Variants in PAPOLA observed in about 807,000 individuals in gnomAD.
PAPOLA encodes the protein polynucleotide adenylyltransferase alpha.
PAPOLA carries 15 observed loss-of-function variants against 100.6 expected under a neutral mutation model. That is an observed-to-expected ratio of 0.15 (90% CI 0.10 to 0.23). The LOEUF is 0.23. Among genes scored for constraint, PAPOLA ranks in the 10% least tolerant of loss-of-function variants. PAPOLA has a pLI of 1.00. For synonymous variants in PAPOLA, 293 were observed against 300.0 expected, an observed-to-expected ratio of 0.98 and a Z score of 0.24; for missense variants, 533 against 884.2, an observed-to-expected ratio of 0.60 and a Z score of 5.04.
intron 16 of PAPOLA, among the ~76,000 whole-genome samples, chr14:96,549,391 G>C (rs1160679780): frequency 6.6e-6 from 1 of 151,858 alleles, no homozygotes; most frequent in East Asian, 1.9e-4. Flanking sequence ...TGGGACTACA[G>C]GTGCCCACCA....
At chr14:96,562,792 C>G (rs1174602991) in intron 20 of PAPOLA, 27 bp from the exon 21 acceptor site, 1 of 1,416,072 alleles carries the variant, frequency 7.1e-7, no homozygotes, top group Non-Finnish European at 9.9e-7. Context: ...TCTCTTTTCC[C>G]CCTTCCCCAT....
At chr14:96,509,410 A>G (rs562347704) in intron 1 of PAPOLA, among the ~76,000 whole-genome samples, 1 of 152,352 alleles carries the variant, frequency 6.6e-6, no homozygotes, top group South Asian at 2.1e-4. Flanking sequence ...TGTAAATCTC[A>G]AAGTATTTAC....
intron 19 of PAPOLA, among the ~76,000 whole-genome samples, chr14:96,558,477 T>C (rs1000530590): frequency 1.3e-5 from 2 of 152,186 alleles, no homozygotes; most frequent in Non-Finnish European, 2.9e-5. Context: ...TTTGTACTAG[T>C]GCAGTATTTT....
At chr14:96,548,893 T>C (rs1490812077) in intron 16 of PAPOLA, among the ~76,000 whole-genome samples, 3 of 152,190 alleles carry the variant, frequency 2.0e-5, no homozygotes, top group Non-Finnish European at 4.4e-5. Context: ...TACAAAAGCA[T>C]TGAAGTTAAT....
At chr14:96,554,503 T>C (rs1243115925) in intron 17 of PAPOLA, among the ~76,000 whole-genome samples, 1 of 152,212 alleles carries the variant, frequency 6.6e-6, no homozygotes, top group African/African-American at 2.4e-5. Context: ...GTGGATGTCA[T>C]GTAAGTACCA....
At chr14:96,532,090 T>C in intron 7 of PAPOLA, 10 of 1,300,990 alleles carry the variant, frequency 7.7e-6, no homozygotes, top group Non-Finnish European at 9.7e-6. Context: ...TACAGTTTAC[T>C]TTGGTTTCTT....
At position 96,554,644 on chromosome 14, in the gene PAPOLA, TAGAGAC is replaced by T. The variant is rs1483187266; in HGVS notation, c.1665-1197_1665-1192del. ...AGACACACACACACACAGACACAGA[TAGAGAC>T]AGAGAGAGAAACCAGAGGACTTTTC... is the stretch of plus-strand genomic sequence containing the variant. On this transcript the variant is annotated intron_variant, in intron 17 of 21. Transcript: ENST00000216277. Among the ~76,000 whole-genome samples the T allele has an allele frequency of 5.9e-5, 9 of 152,178 alleles. No individual in the cohort carries two copies. The East Asian group carries it at 1.7e-3, about 29-fold the overall frequency.
At chr14:96,514,976 A>G (rs1362522442) in intron 1 of PAPOLA, among the ~76,000 whole-genome samples, 2 of 139,730 alleles carry the variant, frequency 1.4e-5, no homozygotes, top group African/African-American at 5.7e-5. Flanking sequence ...GTCTGTCCTG[A>G]ATGCTGTTAC....
At chr14:96,564,291 T>C (rs1853309881) in intron 21 of PAPOLA, among the ~76,000 whole-genome samples, 1 of 152,076 alleles carries the variant, frequency 6.6e-6, no homozygotes, top group Non-Finnish European at 1.5e-5. Flanking sequence ...GATTTGATAA[T>C]TGATGAAGCT....
At chr14:96,557,491 CTTTCATGTTG>C (rs1053827099) in intron 19 of PAPOLA, among the ~76,000 whole-genome samples, 1 of 151,272 alleles carries the variant, frequency 6.6e-6, no homozygotes, top group African/African-American at 2.4e-5. Flanking sequence ...CCTCGAGTCA[CTTTCATGTTG>C]TTTTCCAATC....
At position 96,532,539 on chromosome 14, in the gene PAPOLA, T is replaced by G. The variant is rs1370833241; in HGVS notation, c.726T>G (p.Gly242=). The part of the protein sequence containing the change: ...KRHNIYSNIL[G]FLGGVSWAML... ...ACAACATCTATTCCAATATATTAGG[T>G]TTCCTCGGTGGTGTTTCCTGGGCTA... Residue 242 remains glycine, a synonymous_variant, in exon 9 of 22, where the codon GGT becomes GGG. Coordinates refer to ENST00000216277, the MANE Select transcript of PAPOLA (RefSeq NM_032632.5). 1 of 1,611,044 alleles carries G rather than the reference T, an allele frequency of 6.2e-7. No homozygotes were observed. Among genetic ancestry groups the G allele is most frequent in the Non-Finnish European group, 8.5e-7 (1 of 1,179,130 alleles).
rs771858134 is a variant in PAPOLA, at chr14:96,520,037, A to T, written c.9-18A>T. ...GTAGAATTCTTTTGGCAGTAATTGTATCCAATTTTGTTTATAGTCCAGTTA... is the reference window on the plus strand; with the variant it reads ...GTAGAATTCTTTTGGCAGTAATTGTTTCCAATTTTGTTTATAGTCCAGTTA... On this transcript the variant is annotated intron_variant, in intron 1 of 21. Transcript: ENST00000216277. 5.5e-5 allele frequency: 86 copies of T among 1,574,330 alleles called. No individual in the cohort carries two copies. The highest frequency in any genetic ancestry group is 7.2e-5 in the Non-Finnish European group (84 of 1,160,478).
rs1223680645 is a variant in PAPOLA, at chr14:96,552,689, T to G, written c.1664+67T>G. Reference sequence around the variant, plus strand: ...TAAATCAATCAGATACATTCTCTTTTTGCTATTAAAGTCATCTATTTAGAA... The same window carrying G: ...TAAATCAATCAGATACATTCTCTTTGTGCTATTAAAGTCATCTATTTAGAA... On this transcript the variant is annotated intron_variant, in intron 17 of 21. Transcript: ENST00000216277. 4.3e-6 allele frequency: 6 copies of G among 1,407,318 alleles called. No individual in the cohort carries two copies. The East Asian group carries it at 1.4e-4, about 33-fold the overall frequency. 87.2% of individuals were successfully genotyped at this position (1,407,318 alleles called of 1,614,324 possible).
intron 21 of PAPOLA, among the ~76,000 whole-genome samples, chr14:96,563,901 G>C (rs747830710): frequency 6.6e-6 from 1 of 151,738 alleles, no homozygotes; most frequent in Non-Finnish European, 1.5e-5. Flanking sequence ...ACATACTCTC[G>C]GGACTTATTT....
chr14:96,514,890 G>A (rs991572671), intron 1 of PAPOLA, among the ~76,000 whole-genome samples: 8 of 152,276 alleles, frequency 5.3e-5, no homozygotes, highest in South Asian at 4.1e-4. Flanking sequence ...GTAATACGAC[G>A]AGTAGCAGAA....
chr14:96,552,556 T>C lies in PAPOLA; in HGVS notation c.1598T>C (p.Met533Thr), dbSNP rs747823010. 1.2e-6 allele frequency: 2 copies of C among 1,613,934 alleles called. No homozygotes were observed. The highest frequency in any genetic ancestry group is 1.7e-6 in the Non-Finnish European group (2 of 1,179,782). ...LDLSMDSDNSMSVPSPTSATK... is the reference protein window; with the variant it reads ...LDLSMDSDNSTSVPSPTSATK... The stretch of plus-strand genomic sequence containing the variant: ...TTGTCTATGGACAGTGATAACAGCA[T>C]GTCTGTGCCTTCACCTACTAGTGCT... The change falls in exon 17 of 22, where the codon ATG becomes ACG. Residue 533 changes from methionine to threonine, a missense_variant. By Grantham distance (81) the Met-to-Thr change is moderately conservative. Around this residue, in one of 9 missense-constraint regions of PAPOLA, gnomAD observed 242 missense variants for 281.0 expected, o/e 0.86. Transcript: ENST00000216277.
intron 1 of PAPOLA, among the ~76,000 whole-genome samples, chr14:96,517,916 G>A (rs1475260149): frequency 6.6e-6 from 1 of 151,986 alleles, no homozygotes; most frequent in African/African-American, 2.4e-5. Context: ...GGCTGGGCTG[G>A]TCTTTGAACT....
chr14:96,525,394 A>G lies in PAPOLA; in HGVS notation c.331+3A>G. 1 of 1,260,890 alleles carries G rather than the reference A, an allele frequency of 7.9e-7. No individual in the cohort carries two copies. The highest frequency in any genetic ancestry group is 1.1e-6 in the Non-Finnish European group (1 of 887,442). 78.1% of individuals were successfully genotyped at this position (1,260,890 alleles called of 1,614,324 possible). A position where few individuals can be genotyped will look rare whatever the true frequency, so the allele number is the denominator to read the frequency against. On this transcript the variant is annotated splice_donor_region_variant and intron_variant, in intron 4 of 21. Coordinates refer to ENST00000216277, the MANE Select transcript of PAPOLA (RefSeq NM_032632.5). ...CAGATTAGGAGTGCATACAAAAGGT[A>G]AGTATTATTTCATTTTTCTTAGAAA...
intron 16 of PAPOLA, 119 bp from the exon 17 acceptor site, chr14:96,552,361 C>G: frequency 1.1e-6 from 1 of 932,682 alleles, no homozygotes; most frequent in Non-Finnish European, 1.6e-6. Context: ...ATCTAACTTT[C>G]GTAGATTTAG....
Sources: allele counts gnomAD v4.1 joint callset (sites outside exome capture counted in the v4.1 genomes callset), GRCh38; gene constraint gnomAD v4.1.1; regional missense constraint gnomAD v4.1.1; transcripts MANE v1.5; gene names NCBI Gene and HGNC (gene_info 2026-07-23, HGNC 2026-07-21).